RGS7: variants seen among roughly 807,000 people sequenced by gnomAD.
RGS7 encodes regulator of G protein signaling 7.
A neutral mutation model predicts 81.1 loss-of-function variants in RGS7; 27 were observed. The observed-to-expected ratio is 0.33, with a 90% CI of 0.25 to 0.46. The LOEUF is 0.46. Among genes scored for constraint, RGS7 ranks in the 20% least tolerant of loss-of-function variants. The pLI, the probability that RGS7 is intolerant of heterozygous loss-of-function variation, is 1.00. For missense variants in RGS7, 396 were observed against 607.4 expected (o/e 0.65, Z 3.66); for synonymous variants, 208 against 207.7 (o/e 1.00, Z -0.01).
chr1:240,779,011 C>G (rs1175631666), intron 18 of RGS7, among the ~76,000 whole-genome samples: 2 of 152,120 alleles, frequency 1.3e-5, no homozygotes, highest in African/African-American at 4.8e-5. Flanking sequence ...TGAAAGCTTA[C>G]TCCCCAGTGT....
intron 2 of RGS7, among the ~76,000 whole-genome samples, chr1:241,347,796 G>C (rs1359845966): frequency 6.6e-6 from 1 of 152,020 alleles, no homozygotes; most frequent in African/African-American, 2.4e-5. Flanking sequence ...GAGAAAAAAA[G>C]TCATAAACCA....
intron 15 of RGS7, 51 bp downstream of exon 15, chr1:240,806,089 G>GC (rs766366447): frequency 1.6e-5 from 24 of 1,493,184 alleles, no homozygotes; most frequent in Non-Finnish European, 2.1e-5. Flanking sequence ...TACATCTAAC[G>GC]CTCAACTTCT....
At chr1:240,811,793 T>C in intron 14 of RGS7, 125 bp downstream of exon 14, 1 of 908,160 alleles carries the variant, frequency 1.1e-6, no homozygotes, top group Admixed American at 1.8e-5. Context: ...GTGGCAGAAA[T>C]TCAATGGGTT....
chr1:240,962,704 T>A (rs1291167578), intron 4 of RGS7, among the ~76,000 whole-genome samples: 4 of 151,832 alleles, frequency 2.6e-5, no homozygotes, highest in Admixed American at 2.6e-4. Flanking sequence ...CCTGGAGGAG[T>A]TGATATTTAA....
intron 6 of RGS7, among the ~76,000 whole-genome samples, chr1:240,924,607 A>AT (rs1462452662): frequency 1.3e-5 from 2 of 152,108 alleles, no homozygotes; most frequent in African/African-American, 2.4e-5. Flanking sequence ...CTAAATATGT[A>AT]TTTTTTCTGG....
At chr1:240,905,833 T>C (rs561710057) in intron 6 of RGS7, among the ~76,000 whole-genome samples, 1 of 152,282 alleles carries the variant, frequency 6.6e-6, no homozygotes, top group South Asian at 2.1e-4. Context: ...GCACCAGGGA[T>C]CTCACCTCTA....
chr1:241,027,615 T>A (rs1355748002), intron 3 of RGS7, among the ~76,000 whole-genome samples: 1 of 143,050 alleles, frequency 7.0e-6, no homozygotes, highest in Non-Finnish European at 1.5e-5. Flanking sequence ...GTTTTGAGAT[T>A]CTTCTAGTGA....
At chr1:241,336,662 A>G (rs1161771631) in intron 2 of RGS7, among the ~76,000 whole-genome samples, 6 of 152,292 alleles carry the variant, frequency 3.9e-5, no homozygotes, top group Non-Finnish European at 7.4e-5. Context: ...CTTTCTTAGG[A>G]CTATATGAAT....
chr1:240,855,308 CAAAAAAAAAAAAAA>C (rs758331434), intron 9 of RGS7, among the ~76,000 whole-genome samples: 2 of 14,922 alleles, frequency 1.3e-4, no homozygotes, highest in Non-Finnish European at 3.0e-4. Context: ...GACCATGTCT[CAAAAAAAAAAAAAA>C]AAAAAGGAGA....
intron 2 of RGS7, among the ~76,000 whole-genome samples, chr1:241,137,070 T>C (rs1352387949): frequency 6.6e-6 from 1 of 152,196 alleles, no homozygotes; most frequent in Non-Finnish European, 1.5e-5. Flanking sequence ...AAGGGATGTA[T>C]GGTCCCTGAG....
At chr1:241,156,167 T>C (rs2069126347) in intron 2 of RGS7, among the ~76,000 whole-genome samples, 1 of 150,660 alleles carries the variant, frequency 6.6e-6, no homozygotes, top group African/African-American at 2.5e-5. Flanking sequence ...GATAGATAGA[T>C]AGATACATAT....
chr1:241,167,424 A>G (rs963199684), intron 2 of RGS7, among the ~76,000 whole-genome samples: 2 of 152,140 alleles, frequency 1.3e-5, no homozygotes, highest in Non-Finnish European at 2.9e-5. Context: ...CGGTGGGGTC[A>G]TGTGACTAAG....
At chr1:241,062,671 A>G (rs1346919785) in intron 3 of RGS7, among the ~76,000 whole-genome samples, 1 of 152,186 alleles carries the variant, frequency 6.6e-6, no homozygotes, top group South Asian at 2.1e-4. Context: ...ATACAAATGC[A>G]ATACCCCTTT....
chr1:240,776,335 T>G (rs1682924440), intron 18 of RGS7, 122 bp from the exon 19 acceptor site: 2 of 752,534 alleles, frequency 2.7e-6, no homozygotes, highest in Non-Finnish European at 4.8e-6. Flanking sequence ...CTGAACCCTT[T>G]AAGTCCATCT....
chr1:241,012,854 C>T (rs971192447), intron 3 of RGS7, among the ~76,000 whole-genome samples: 4 of 152,076 alleles, frequency 2.6e-5, no homozygotes, highest in African/African-American at 9.7e-5. Flanking sequence ...AAACTTTTAC[C>T]ACTGGCTACT....
intron 2 of RGS7, among the ~76,000 whole-genome samples, chr1:241,153,214 G>C (rs181405813): frequency 3.9e-5 from 6 of 152,338 alleles, no homozygotes; most frequent in Non-Finnish European, 8.8e-5. Flanking sequence ...TGATGACTGA[G>C]GGTGGGAGCA....
At chr1:241,024,443 G>A (rs2059688308) in intron 3 of RGS7, among the ~76,000 whole-genome samples, 1 of 152,098 alleles carries the variant, frequency 6.6e-6, no homozygotes, top group Non-Finnish European at 1.5e-5. Context: ...TTGCCTAGGT[G>A]GGTTTTGCAC....
intron 3 of RGS7, among the ~76,000 whole-genome samples, chr1:241,002,392 G>T (rs557496430): frequency 1.3e-4 from 20 of 151,390 alleles, no homozygotes. Context: ...GGCGTAGGTT[G>T]CACTGAGCCA....
chr1:240,844,630 A>G (rs938145330), intron 9 of RGS7, among the ~76,000 whole-genome samples: 1 of 152,250 alleles, frequency 6.6e-6, no homozygotes, highest in Non-Finnish European at 1.5e-5. Context: ...GGATAGAAAG[A>G]GCAGACAGAA....
Sources: gnomAD v4.1 joint callset for allele counts (sites outside exome capture counted in the v4.1 genomes callset) on GRCh38, gnomAD v4.1.1 for gene constraint, MANE v1.5 for transcripts, NCBI Gene and HGNC (gene_info 2026-07-23, HGNC 2026-07-21) for gene names.